Variants in TENM3 observed in about 807,000 individuals in gnomAD.
TENM3 encodes the protein teneurin-3.
A neutral mutation model predicts 255.1 loss-of-function variants in TENM3; 63 were observed. The observed-to-expected ratio is 0.25, with a 90% CI of 0.20 to 0.30. The LOEUF is 0.30. TENM3 is among the 10% of genes least tolerant of loss of function. The probability of loss-of-function intolerance (pLI) is 1.00; values close to 1 mark genes in which losing one functional copy is unlikely to be tolerated. For missense variants in TENM3, 2,929 were observed against 3,461.1 expected (o/e 0.85, Z 3.86); for synonymous variants, 1,306 against 1,322.3 (o/e 0.99, Z 0.27).
chr4:181,877,879 T>C, the TENM3 span, among the ~76,000 whole-genome samples: 1 of 152,176 alleles, frequency 6.6e-6, no homozygotes, highest in Non-Finnish European at 1.5e-5. Context: ...GTCTTCTAGA[T>C]GGATATGGAT....
At chr4:182,658,236 T>G (rs915586664) in intron 6 of TENM3, among the ~76,000 whole-genome samples, 1 of 152,218 alleles carries the variant, frequency 6.6e-6, no homozygotes, top group Admixed American at 6.5e-5. Context: ...TTCCTTAGCT[T>G]CTGTGATACC....
At chr4:182,570,426 C>G (rs1311921727) in intron 3 of TENM3, among the ~76,000 whole-genome samples, 1 of 152,174 alleles carries the variant, frequency 6.6e-6, no homozygotes, top group Non-Finnish European at 1.5e-5. Context: ...AAATCATGTT[C>G]ATGCCTGCAA....
chr4:181,888,526 A>ATATGTG, the TENM3 span, among the ~76,000 whole-genome samples: 1 of 87,724 alleles, frequency 1.1e-5, no homozygotes, highest in Non-Finnish European at 2.1e-5. Flanking sequence ...GTATATATAT[A>ATATGTG]CATATATGTG....
At chr4:182,117,092 G>C in the TENM3 span, among the ~76,000 whole-genome samples, 1 of 152,036 alleles carries the variant, frequency 6.6e-6, no homozygotes, top group Admixed American at 6.6e-5. Context: ...ATCTTCCTTG[G>C]TGTAGTGTCT....
chr4:182,678,163 A>C (rs1249454322), intron 7 of TENM3, among the ~76,000 whole-genome samples: 2 of 151,994 alleles, frequency 1.3e-5, no homozygotes, highest in Non-Finnish European at 2.9e-5. Flanking sequence ...AATCTAAAAA[A>C]CTCCTTGAAA....
intron 1 of TENM3, among the ~76,000 whole-genome samples, chr4:182,258,591 G>A (rs1266396824): frequency 6.6e-6 from 1 of 152,082 alleles, no homozygotes; most frequent in Non-Finnish European, 1.5e-5. Context: ...CAAAGAACAG[G>A]TATTGTTATG....
At chr4:182,595,045 T>C (rs1208292909) in intron 3 of TENM3, among the ~76,000 whole-genome samples, 1 of 152,168 alleles carries the variant, frequency 6.6e-6, no homozygotes, top group East Asian at 1.9e-4. Flanking sequence ...TTAACTTTTA[T>C]GTCAGGCACT....
At chr4:181,595,570 A>G in the TENM3 span, among the ~76,000 whole-genome samples, 79 of 152,164 alleles carry the variant, frequency 5.2e-4, no homozygotes, top group African/African-American at 1.6e-3. Flanking sequence ...AGTGATATAC[A>G]ATCTCAGGCA....
the TENM3 span, among the ~76,000 whole-genome samples, chr4:181,843,842 C>A: frequency 6.6e-6 from 1 of 151,614 alleles, no homozygotes; most frequent in Non-Finnish European, 1.5e-5. Context: ...GCCTTAGCCT[C>A]CCAAGTATCT....
At chr4:182,113,527 C>A in the TENM3 span, among the ~76,000 whole-genome samples, 1 of 152,014 alleles carries the variant, frequency 6.6e-6, no homozygotes, top group Non-Finnish European at 1.5e-5. Context: ...GAATATATAC[C>A]AATGCATATA....
chr4:182,524,840 C>CAAAA (rs11354238), intron 3 of TENM3, among the ~76,000 whole-genome samples: 10 of 122,812 alleles, frequency 8.1e-5, no homozygotes, highest in East Asian at 2.4e-4. Flanking sequence ...TCTGTCTCTA[C>CAAAA]AAAAAAAAAA....
intron 4 of TENM3, among the ~76,000 whole-genome samples, chr4:182,611,516 C>T (rs543966229): frequency 6.6e-6 from 1 of 152,088 alleles, no homozygotes; most frequent in African/African-American, 2.4e-5. Flanking sequence ...TCTCTGATGT[C>T]TACTCTGATC....
chr4:182,071,075 G>A, the TENM3 span, among the ~76,000 whole-genome samples: 5 of 147,822 alleles, frequency 3.4e-5, no homozygotes, highest in African/African-American at 1.2e-4. Flanking sequence ...TAAGCAAAGT[G>A]TTGGTCCCTT....
the TENM3 span, among the ~76,000 whole-genome samples, chr4:181,782,180 G>A: frequency 6.6e-6 from 1 of 152,108 alleles, no homozygotes; most frequent in Non-Finnish European, 1.5e-5. Context: ...GATTGGAATA[G>A]TTTCAGAAGG....
At chr4:181,784,369 T>A in the TENM3 span, among the ~76,000 whole-genome samples, 1 of 152,098 alleles carries the variant, frequency 6.6e-6, no homozygotes, top group Non-Finnish European at 1.5e-5. Context: ...ATAAAATATC[T>A]TAATTTACAT....
chr4:182,104,552 C>A, the TENM3 span, among the ~76,000 whole-genome samples: 13 of 142,152 alleles, frequency 9.1e-5, no homozygotes, highest in South Asian at 2.9e-3. Context: ...TGCTCTGTTG[C>A]CCAGGCTGGA....
chr4:182,134,481 C>G, the TENM3 span, among the ~76,000 whole-genome samples: 1 of 152,134 alleles, frequency 6.6e-6, no homozygotes, highest in Non-Finnish European at 1.5e-5. Flanking sequence ...AGACTCTTAG[C>G]TCATAATCTT....
At chr4:182,500,637 T>A (rs754843489) in intron 3 of TENM3, among the ~76,000 whole-genome samples, 1 of 12,328 alleles carries the variant, frequency 8.1e-5, no homozygotes, top group African/African-American at 1.3e-4. Flanking sequence ...AAGTAAATAA[T>A]TAGAAAACGT....
At chr4:182,299,210 C>T (rs1279049527) in intron 1 of TENM3, among the ~76,000 whole-genome samples, 1 of 151,838 alleles carries the variant, frequency 6.6e-6, no homozygotes, top group East Asian at 2.0e-4. Context: ...TTAACATCCA[C>T]TTTGTTGAAA....
Sources: allele counts gnomAD v4.1 joint callset (sites outside exome capture counted in the v4.1 genomes callset), GRCh38; gene constraint gnomAD v4.1.1; transcripts MANE v1.5; gene names NCBI Gene and HGNC (gene_info 2026-07-23, HGNC 2026-07-21).